Variants in PANK2 observed in about 807,000 individuals in gnomAD.
PANK2 encodes pantothenate kinase 2, also known as pantothenate kinase 2, mitochondrial.
Under a neutral mutation model 43.1 loss-of-function variants are expected in PANK2, and 36 were observed. The ratio of observed to expected loss-of-function variants is 0.84; its 90% CI spans 0.64 to 1.10. The LOEUF is 1.10. PANK2 is among the 50% of genes least tolerant of loss of function. The pLI is 0.00. For missense variants in PANK2, 576 were observed against 593.3 expected (o/e 0.97, Z 0.30); for synonymous variants, 281 against 238.2 (o/e 1.18, Z -1.66).
intron 6 of PANK2, among the ~76,000 whole-genome samples, chr20:3,919,338 C>T (rs991909027): frequency 1.3e-5 from 2 of 152,178 alleles, no homozygotes; most frequent in Non-Finnish European, 2.9e-5. Context: ...GAACATTCCC[C>T]TATATTTCTG....
rs71647841 is a variant in PANK2 at position 3,910,852 on chromosome 20, C to T, written c.905+22C>T. The T allele has an allele frequency of 1.5e-3, 2,403 of 1,613,568 alleles. 26 individuals are homozygous for T. The highest frequency in any genetic ancestry group is 0.01 in the African/African-American group (771 of 75,024). On this transcript the variant is annotated intron_variant, in intron 3 of 6. Transcript: ENST00000610179. ...CTAGGTAAGTTGTATATAAAACTCA[C>T]TGTTTATTCTTAGTATCCTAACGGG...
chr20:3,893,922 TTGTTTTTTG>T (rs1422369838), intron 1 of PANK2, among the ~76,000 whole-genome samples: 7 of 100,456 alleles, frequency 7.0e-5, no homozygotes, highest in East Asian at 4.9e-4. Flanking sequence ...TTTTTTTTGT[TTGTTTTTTG>T]TTTTTTTTTT....
intron 1 of PANK2, among the ~76,000 whole-genome samples, chr20:3,896,166 C>G (rs533726094): frequency 1.8e-4 from 27 of 151,596 alleles, no homozygotes; most frequent in Non-Finnish European, 3.4e-4. Flanking sequence ...GGTTCATGCC[C>G]TTTCTCTTGG....
intron 1 of PANK2, among the ~76,000 whole-genome samples, chr20:3,906,666 A>C (rs11905666): frequency 2.0e-5 from 3 of 147,360 alleles, no homozygotes; most frequent in African/African-American, 8.1e-5. Context: ...AATAAAAAAA[A>C]CAATAAATAC....
At chr20:3,914,905 C>T (rs1454380254) in intron 4 of PANK2, among the ~76,000 whole-genome samples, 2 of 152,152 alleles carry the variant, frequency 1.3e-5, no homozygotes, top group Non-Finnish European at 2.9e-5. Flanking sequence ...CCACTGTGCC[C>T]AGCCCGAACA....
At chr20:3,907,583 AAG>A (rs773408714) in intron 1 of PANK2, among the ~76,000 whole-genome samples, 1 of 152,150 alleles carries the variant, frequency 6.6e-6, no homozygotes, top group Non-Finnish European at 1.5e-5. Flanking sequence ...GCCGATAGGA[AAG>A]AGAGATTTTC....
Position 3,920,978 on chromosome 20 carries a change from T to TCCCTGTGTTTTCCATTTGC in PANK2, c.1332+2183_1332+2201dup, listed in dbSNP as rs1223796198. Reference sequence around the variant, plus strand: ...CTGCTTAGCTTTGCTGGTCCATTTGTCCCTGTGTTTTCCATTTGCATTCAG... The same window carrying TCCCTGTGTTTTCCATTTGC: ...CTGCTTAGCTTTGCTGGTCCATTTGTCCCTGTGTTTTCCATTTGCCCCTGTGTTTTCCATTTGCATTCAG... On this transcript the variant is annotated intron_variant, in intron 6 of 6. Coordinates refer to ENST00000610179, the MANE Select transcript of PANK2 (RefSeq NM_001386393.1). Among the ~76,000 whole-genome samples, 151 of 152,360 alleles carry TCCCTGTGTTTTCCATTTGC rather than the reference T, an allele frequency of 9.9e-4. 1 individual carries two copies. The highest frequency in any genetic ancestry group is 3.5e-3 in the African/African-American group (146 of 41,594).
In PANK2 at chr20:3,896,498, T is replaced by C. The variant is rs1036019246; in HGVS notation, c.298+6770T>C. On this transcript the variant is annotated intron_variant, in intron 1 of 6. Transcript: ENST00000610179. ...TAGAAACTCCACAGTGATGTCCTTT[T>C]GTGTGCTAAGGAGTTAACTGATGGC... Among the ~76,000 whole-genome samples, 10 of 152,272 alleles carry C rather than the reference T, an allele frequency of 6.6e-5. 1 individual carries two copies. The highest frequency in any genetic ancestry group is 2.4e-4 in the African/African-American group (10 of 41,544).
chr20:3,903,348 A>G (rs1022168812), intron 1 of PANK2, among the ~76,000 whole-genome samples: 1 of 150,526 alleles, frequency 6.6e-6, no homozygotes, highest in Non-Finnish European at 1.5e-5. Flanking sequence ...AGGTTTTGCC[A>G]TGTTGGCTAG....
At chr20:3,919,563 T>G (rs539725452) in intron 6 of PANK2, among the ~76,000 whole-genome samples, 73 of 152,340 alleles carry the variant, frequency 4.8e-4, no homozygotes, top group Admixed American at 8.5e-4. Flanking sequence ...TAAGTACAAT[T>G]GTAGACAGGC....
intron 6 of PANK2, among the ~76,000 whole-genome samples, chr20:3,919,540 T>C (rs773782027): frequency 5.9e-5 from 9 of 152,340 alleles, no homozygotes; most frequent in Admixed American, 2.6e-4. Context: ...AGAACCATAC[T>C]ATCATAAGAA....
chr20:3,920,408 T>C (rs2090627870), intron 6 of PANK2, among the ~76,000 whole-genome samples: 1 of 152,032 alleles, frequency 6.6e-6, no homozygotes, highest in Non-Finnish European at 1.5e-5. Flanking sequence ...CCCCAGCTAC[T>C]CGGGAGGCTG....
chr20:3,889,078 T>TG (rs1568548749), upstream of PANK2: 17 of 1,463,256 alleles, frequency 1.2e-5, no homozygotes, highest in Admixed American at 6.6e-5. Context: ...CATGCACAAG[T>TG]GGGGGGCGGA....
intron 3 of PANK2, among the ~76,000 whole-genome samples, chr20:3,911,683 G>A (rs2090471241): frequency 6.6e-6 from 1 of 151,698 alleles, no homozygotes; most frequent in African/African-American, 2.4e-5. Flanking sequence ...CCAGAGGTCG[G>A]GAGTTCGAGA....
intron 1 of PANK2, among the ~76,000 whole-genome samples, chr20:3,890,385 A>G (rs1258508068): frequency 1.3e-5 from 2 of 152,142 alleles, no homozygotes; most frequent in African/African-American, 2.4e-5. Context: ...AGGGGAAACA[A>G]CATCTTTCTG....
chr20:3,923,385 A>G lies in PANK2; in HGVS notation c.*91A>G. On this transcript the variant is annotated 3_prime_UTR_variant, in exon 7 of 7. Transcript: ENST00000610179. ...GAGACTTACTCAATTTCATGACTGT[A>G]CTACCTGAAACAAAGTGAGAAAGGA... 1 of 1,283,844 alleles carries G rather than the reference A, an allele frequency of 7.8e-7. No homozygotes were observed. The allele number at this position is 1,283,844 out of a possible 1,614,324, so 79.5% of individuals were successfully genotyped here. A position where few individuals can be genotyped will look rare whatever the true frequency, so the allele number is the denominator to read the frequency against.
Position 3,918,805 on chromosome 20 carries a change from A to G in PANK2, c.1332+9A>G. ...TTTTTTCGGAACACGAGGTAAGCTGACTTGTTCGTTGTGGTATATTATGTA... is the reference window on the plus strand; with the variant it reads ...TTTTTTCGGAACACGAGGTAAGCTGGCTTGTTCGTTGTGGTATATTATGTA... On this transcript the variant is annotated intron_variant, in intron 6 of 6. Coordinates refer to ENST00000610179, the MANE Select transcript of PANK2 (RefSeq NM_001386393.1). 1 of 1,614,130 alleles carries G rather than the reference A, an allele frequency of 6.2e-7. No individual in the cohort carries two copies. Among genetic ancestry groups the G allele is most frequent in the Non-Finnish European group, 8.5e-7 (1 of 1,179,998 alleles).
At position 3,899,359 on chromosome 20, in the gene PANK2, C is replaced by T. The variant is rs192490806; in HGVS notation, c.299-8567C>T. 1.7e-3 allele frequency among the ~76,000 whole-genome samples: 263 copies of T among 151,028 alleles called. 2 individuals are homozygous for T. The highest frequency in any genetic ancestry group is 6.1e-3 in the African/African-American group (251 of 41,168). On this transcript the variant is annotated intron_variant, in intron 1 of 6. Transcript: ENST00000610179. ...GCTAATTTTTTGTATTTATTGGAGA[C>T]GGGGCTTCACCATGTTAGTCAGGCT...
chr20:3,910,447 A>C, intron 2 of PANK2, 130 bp from the exon 3 acceptor site: 1 of 1,047,664 alleles, frequency 9.5e-7, no homozygotes, highest in Non-Finnish European at 1.5e-6. Context: ...TCTGTAAAGC[A>C]TGCACAAATA....
Sources: gnomAD v4.1 joint callset for allele counts (sites outside exome capture counted in the v4.1 genomes callset) on GRCh38, gnomAD v4.1.1 for gene constraint, MANE v1.5 for transcripts, NCBI Gene and HGNC (gene_info 2026-07-23, HGNC 2026-07-21) for gene names.